The following CCNY variants were observed in gnomAD, a reference collection of about 807,000 sequenced individuals.
The protein encoded by CCNY is cyclin-Y.
A neutral mutation model predicts 42.8 loss-of-function variants in CCNY; 19 were observed. The ratio of observed to expected loss-of-function variants is 0.44; its 90% confidence interval spans 0.31 to 0.65. The LOEUF is 0.65. Ranked by LOEUF, CCNY falls within the 30% of genes least tolerant of loss-of-function variation. The pLI is 0.07. For synonymous variants in CCNY, 165 were observed against 162.7 expected (o/e 1.01, Z -0.11); for missense variants, 370 against 437.3 (o/e 0.85, Z 1.37).
Position 35,538,156 on chromosome 10 carries a change from T to G in CCNY, c.579+7913T>G, listed in dbSNP as rs560081406. Among the ~76,000 whole-genome samples, 11 of 152,316 alleles carry G rather than the reference T, an allele frequency of 7.2e-5. No homozygotes were observed. The East Asian group carries it at 2.1e-3, about 29-fold the overall frequency. Reference sequence around the variant, plus strand: ...ATCCATGTAAGACGTGACCTGCTCCTCCTTGCCTTCCACCATGATTGTGAG... The same window carrying G: ...ATCCATGTAAGACGTGACCTGCTCCGCCTTGCCTTCCACCATGATTGTGAG... On this transcript the variant is annotated intron_variant, in intron 7 of 9. Transcript: ENST00000374704.
At position 35,346,492 on chromosome 10, in the gene CCNY, A is replaced by G. The variant is rs556309550; in HGVS notation, c.154+9285A>G. Among the ~76,000 whole-genome samples the G allele has an allele frequency of 7.2e-5, 11 of 152,356 alleles. No individual in the cohort carries two copies. In the East Asian group the frequency reaches 1.5e-3, roughly 21 times the overall value. On this transcript the variant is annotated intron_variant, in intron 1 of 9. Transcript: ENST00000374704. Reference sequence around the variant, plus strand: ...TAAAGTCTCTTGATGACTCTGGCAGAAGAGGTCATTTCAGGGGTTGGCCAA... The same window carrying G: ...TAAAGTCTCTTGATGACTCTGGCAGGAGAGGTCATTTCAGGGGTTGGCCAA...
rs1171052588 is a variant in CCNY, at chr10:35,570,918, A to G, written c.*1748A>G. 6.6e-6 allele frequency: 1 copy of G among 152,376 alleles called. No individual in the cohort carries two copies. The highest frequency in any genetic ancestry group is 1.5e-5 in the Non-Finnish European group (1 of 68,036). 9.4% of individuals were successfully genotyped at this position (152,376 alleles called of 1,614,324 possible). ...TTTCTGACCCAAACTTTCAAAAGCA[A>G]ATAAACAGCATATAAAACGTTAATT... On this transcript the variant is annotated 3_prime_UTR_variant, in exon 10 of 10. Transcript: ENST00000374704.
At chr10:35,503,835 G>T (rs953444439) in intron 3 of CCNY, among the ~76,000 whole-genome samples, 1 of 152,162 alleles carries the variant, frequency 6.6e-6, no homozygotes, top group African/African-American at 2.4e-5. Context: ...CACTTAGCTC[G>T]CACCCTCTGT....
chr10:35,302,371 C>T (rs538761417), intron 3 of CCNY, among the ~76,000 whole-genome samples: 12 of 147,462 alleles, frequency 8.1e-5, no homozygotes, highest in East Asian at 4.0e-4. Context: ...AGTGCAGTGG[C>T]GCGATCTCGG....
At chr10:35,289,190 T>C (rs1254778137) in intron 3 of CCNY, among the ~76,000 whole-genome samples, 3 of 152,138 alleles carry the variant, frequency 2.0e-5, no homozygotes, top group South Asian at 2.1e-4. Context: ...ATTTACTTTC[T>C]AATTATTTGC....
intron 1 of CCNY, among the ~76,000 whole-genome samples, chr10:35,389,215 A>G (rs565962606): frequency 6.6e-6 from 1 of 152,040 alleles, no homozygotes; most frequent in East Asian, 1.9e-4. Flanking sequence ...GTCTGTTTAT[A>G]TATATTTTAT....
chr10:35,393,475 T>C (rs1837457932), intron 1 of CCNY, among the ~76,000 whole-genome samples: 1 of 152,222 alleles, frequency 6.6e-6, no homozygotes, highest in Non-Finnish European at 1.5e-5. Flanking sequence ...CCTTCCGCTT[T>C]CCCTTCCACC....
At chr10:35,313,263 T>G (rs1835711209) in intron 3 of CCNY, among the ~76,000 whole-genome samples, 1 of 152,322 alleles carries the variant, frequency 6.6e-6, no homozygotes. Context: ...TGGGGACATA[T>G]AGATTCCACA....
At chr10:35,311,699 T>C (rs1051281367) in intron 3 of CCNY, among the ~76,000 whole-genome samples, 4 of 109,422 alleles carry the variant, frequency 3.7e-5, no homozygotes, top group African/African-American at 1.3e-4. Context: ...CAAAAAAAAG[T>C]TTTTGGCTGA....
chr10:35,275,806 C>T (rs1835232773), intron 3 of CCNY, among the ~76,000 whole-genome samples: 1 of 152,128 alleles, frequency 6.6e-6, no homozygotes, highest in Non-Finnish European at 1.5e-5. Context: ...ACATCCATGA[C>T]CAGAGGAATG....
rs1312410028 is a variant in CCNY, at chr10:35,465,938, A to AGTGT, written c.155-17447_155-17444dup. Among the ~76,000 whole-genome samples, 108 of 80,950 alleles carry AGTGT rather than the reference A, an allele frequency of 1.3e-3. 3 individuals carry two copies. The highest frequency in any genetic ancestry group is 8.2e-3 in the East Asian group (21 of 2,548). 53.1% of individuals were successfully genotyped at this position (80,950 alleles called of 152,430 possible). A position where few individuals can be genotyped will look rare whatever the true frequency, so the allele number is the denominator to read the frequency against. ...GAGAGAGAGAGAGAGAGAGAGAGAGAGTGTGTGTGTGTGTGTGTGTGTCTG... is the reference window on the plus strand; with the variant it reads ...GAGAGAGAGAGAGAGAGAGAGAGAGAGTGTGTGTGTGTGTGTGTGTGTGTGTCTG... On this transcript the variant is annotated intron_variant, in intron 1 of 9. Coordinates refer to ENST00000374704, the MANE Select transcript of CCNY (RefSeq NM_145012.6).
intron 3 of CCNY, among the ~76,000 whole-genome samples, chr10:35,280,127 T>C (rs757247732): frequency 5.9e-5 from 9 of 152,074 alleles, no homozygotes; most frequent in Non-Finnish European, 1.3e-4. Flanking sequence ...AAAGAAAGAA[T>C]ACCAGCTTGG....
rs567491512 is a variant in CCNY, at chr10:35,444,632, A to C, written c.155-38772A>C. 3.9e-5 allele frequency among the ~76,000 whole-genome samples: 6 copies of C among 152,322 alleles called. No homozygotes were observed. In the South Asian group the frequency reaches 1.0e-3, roughly 26 times the overall value. ...GAGTGATGTGTTGCACTACATTATGATGTCACTAGGTGATAGCAGTTTTTC... is the reference window on the plus strand; with the variant it reads ...GAGTGATGTGTTGCACTACATTATGCTGTCACTAGGTGATAGCAGTTTTTC... On this transcript the variant is annotated intron_variant, in intron 1 of 9. Coordinates refer to ENST00000374704, the MANE Select transcript of CCNY (RefSeq NM_145012.6).
At chr10:35,326,233 A>G (rs1043231946) in intron 3 of CCNY, among the ~76,000 whole-genome samples, 1 of 152,098 alleles carries the variant, frequency 6.6e-6, no homozygotes, top group Non-Finnish European at 1.5e-5. Flanking sequence ...GGCCTGGAAA[A>G]TATTTTTCAA....
chr10:35,290,265 A>ACACACACACACAC (rs1405052578), intron 3 of CCNY, among the ~76,000 whole-genome samples: 140 of 50,118 alleles, frequency 2.8e-3, no homozygotes, highest in African/African-American at 9.6e-3. Context: ...CACACACACA[A>ACACACACACACAC]AATTAGCTGG....
At chr10:35,414,534 A>T (rs187207347) in intron 1 of CCNY, among the ~76,000 whole-genome samples, 36 of 152,348 alleles carry the variant, frequency 2.4e-4, no homozygotes, top group Admixed American at 2.0e-3. Context: ...TCTGTTGCTT[A>T]TCAGCAAGTC....
intron 1 of CCNY, among the ~76,000 whole-genome samples, chr10:35,456,051 G>A: frequency 6.6e-6 from 1 of 152,108 alleles, no homozygotes; most frequent in East Asian, 1.9e-4. Flanking sequence ...CAGTATCACA[G>A]CCCAGTATTT....
chr10:35,557,951 C>T (rs1447007215), intron 8 of CCNY, among the ~76,000 whole-genome samples: 7 of 151,960 alleles, frequency 4.6e-5, no homozygotes, highest in Non-Finnish European at 7.4e-5. Flanking sequence ...GAGTTCAGAG[C>T]GCATGTTCAG....
At chr10:35,365,464 A>T (rs1351438438) in intron 1 of CCNY, among the ~76,000 whole-genome samples, 4 of 152,088 alleles carry the variant, frequency 2.6e-5, no homozygotes, top group Admixed American at 6.5e-5. Flanking sequence ...TACTTGAAAA[A>T]ATGTTGAATA....
Sources: gnomAD v4.1 joint callset for allele counts (sites outside exome capture counted in the v4.1 genomes callset) on GRCh38, gnomAD v4.1.1 for gene constraint, MANE v1.5 for transcripts, NCBI Gene and HGNC (gene_info 2026-07-23, HGNC 2026-07-21) for gene names.